The following CLDN15 variants were observed in gnomAD, a reference collection of about 807,000 sequenced individuals.
CLDN15 encodes the protein claudin-15.
In CLDN15, 9 loss-of-function variants were observed where a neutral mutation model predicts 24.5. That is an observed-to-expected ratio of 0.37 (90% confidence interval 0.22 to 0.64). The LOEUF is 0.64. Ranked by LOEUF, CLDN15 falls within the 30% of genes least tolerant of loss-of-function variation. The pLI, the probability that CLDN15 is intolerant of heterozygous loss-of-function variation, is 0.63. For missense variants in CLDN15, 248 were observed against 305.9 expected (o/e 0.81, Z 1.41); for synonymous variants, 149 against 131.4 (o/e 1.13, Z -0.92).
chr7:101,236,551 G>T (rs1798628710), intron 1 of CLDN15, among the ~76,000 whole-genome samples: 1 of 152,218 alleles, frequency 6.6e-6, no homozygotes, highest in African/African-American at 2.4e-5. Context: ...GTTCACGGTC[G>T]CCAGCGCTCA....
rs1584264957 is a variant in CLDN15, at chr7:101,232,329, T to C, written c.*81A>G. 1 of 996,290 alleles carries C rather than the reference T, an allele frequency of 1.0e-6. No homozygotes were observed. Among genetic ancestry groups the C allele is most frequent in the Non-Finnish European group, 1.5e-6 (1 of 665,580 alleles). The allele number at this position is 996,290 out of a possible 1,614,324, so 61.7% of individuals were successfully genotyped here. The stretch of plus-strand genomic sequence containing the variant: ...AGCGGGGCGTGGCCGGCCCCTGAGG[T>C]TACTATAGGGGAATGGGCCCCGGCC... On this transcript the variant is annotated 3_prime_UTR_variant, in exon 5 of 5. Transcript: ENST00000308344.
chr7:101,236,926 T>C, intron 1 of CLDN15: 1 of 741,668 alleles, frequency 1.3e-6, no homozygotes, highest in Non-Finnish European at 2.0e-6. Context: ...AGATGGGGCC[T>C]CCTCCCCCTG....
chr7:101,232,310 G>A lies in CLDN15; in HGVS notation c.*100C>T. The A allele has an allele frequency of 2.5e-6, 2 of 799,340 alleles. No individual in the cohort carries two copies. Among genetic ancestry groups the A allele is most frequent in the Non-Finnish European group, 4.0e-6 (2 of 501,006 alleles). The allele number at this position is 799,340 out of a possible 1,614,324, so 49.5% of individuals were successfully genotyped here. On this transcript the variant is annotated 3_prime_UTR_variant, in exon 5 of 5. Transcript: ENST00000308344. Reference sequence around the variant, plus strand: ...GCCGGGGCGGGGCTACGGGAGCGGGGCGTGGCCGGCCCCTGAGGTTACTAT... The same window carrying A: ...GCCGGGGCGGGGCTACGGGAGCGGGACGTGGCCGGCCCCTGAGGTTACTAT...
chr7:101,232,490 C>G lies in CLDN15; in HGVS notation c.607G>C (p.Val203Leu). The G allele has an allele frequency of 6.2e-7, 1 of 1,613,366 alleles. No individual in the cohort carries two copies. Among genetic ancestry groups the G allele is most frequent in the Non-Finnish European group, 8.5e-7 (1 of 1,179,560 alleles). ...GAGGTGGCGACGGGCATCACGGACA[C>G]TGGAGCCTGGTAGGGCCGCCGGGCG... ...ASARRPYQAP[V>L]SVMPVATSDQ... Residue 203 changes from valine to leucine, a missense_variant, in exon 5 of 5, where the codon GTG (valine) becomes CTG (leucine). Val to Leu is a conservative substitution (Grantham distance 32, BLOSUM62 1). Transcript: ENST00000308344.
intron 2 of CLDN15, among the ~76,000 whole-genome samples, chr7:101,233,305 TGGGAGTCCA>T (rs1258993389): frequency 2.0e-5 from 3 of 152,070 alleles, no homozygotes; most frequent in Non-Finnish European, 4.4e-5. Flanking sequence ...AGCTGGGCCA[TGGGAGTCCA>T]GGGTCGTCCT....
In CLDN15 at chr7:101,237,298, G is replaced by T; in HGVS notation, c.217+67C>A. ...TCCCTGCATCCTCACGGAAGTACCC[G>T]CCCTCCCCTGGGGTCTCTGCAGCTT... On this transcript the variant is annotated intron_variant, in intron 1 of 4. Transcript: ENST00000308344. The surrounding 1 kb of genome is among the most constrained non-coding windows in gnomAD (Gnocchi z 4.0). 1 of 1,037,266 alleles carries T rather than the reference G, an allele frequency of 9.6e-7. No homozygotes were observed. The highest frequency in any genetic ancestry group is 1.5e-6 in the Non-Finnish European group (1 of 678,532). 64.3% of individuals were successfully genotyped at this position (1,037,266 alleles called of 1,614,324 possible).
chr7:101,233,320 G>C (rs183019023), intron 2 of CLDN15, among the ~76,000 whole-genome samples: 1 of 151,950 alleles, frequency 6.6e-6, no homozygotes, highest in Non-Finnish European at 1.5e-5. Context: ...GTCCAGGGTC[G>C]TCCTTTCCTG....
Position 101,237,672 on chromosome 7 carries a change from G to T in CLDN15, c.-91C>A, listed in dbSNP as rs537068057. ...CTGGAAGGGGCTGCGGCTAAGGAGGGTTGTCCAGGCAGGCTGGGGTGGAAT... is the reference window on the plus strand; with the variant it reads ...CTGGAAGGGGCTGCGGCTAAGGAGGTTTGTCCAGGCAGGCTGGGGTGGAAT... On this transcript the variant is annotated 5_prime_UTR_variant, in exon 1 of 5. Transcript: ENST00000308344. The surrounding 1 kb of genome is among the most constrained non-coding windows in gnomAD (Gnocchi z 4.0). 2.6e-5 allele frequency: 23 copies of T among 899,928 alleles called. No homozygotes were observed. In the South Asian group the frequency reaches 2.9e-4, roughly 12 times the overall value. 55.7% of individuals were successfully genotyped at this position (899,928 alleles called of 1,614,324 possible).
At chr7:101,238,706 G>C (rs552622717), upstream of CLDN15, 1 of 152,288 alleles carries the variant, frequency 6.6e-6, no homozygotes, top group Admixed American at 6.5e-5. Context: ...AGCCTGGAGC[G>C]TGATCCTGTG....
Position 101,237,598 on chromosome 7 carries a change from C to T in CLDN15, c.-17G>A. 1 of 1,599,084 alleles carries T rather than the reference C, an allele frequency of 6.3e-7. No homozygotes were observed. Among genetic ancestry groups the T allele is most frequent in the Non-Finnish European group, 8.6e-7 (1 of 1,166,844 alleles). On this transcript the variant is annotated 5_prime_UTR_variant, in exon 1 of 5. Transcript: ENST00000308344. The surrounding 1 kb of genome is among the most constrained non-coding windows in gnomAD (Gnocchi z 4.0). ...CATCGACATGGTGGGATGCAGGACCCTGGGGGGCTGGTGCCCCAGAGAGGG... is the reference window on the plus strand; with the variant it reads ...CATCGACATGGTGGGATGCAGGACCTTGGGGGGCTGGTGCCCCAGAGAGGG...
intron 2 of CLDN15, 31 bp from the exon 3 acceptor site, chr7:101,232,945 C>A (rs1219935762): frequency 3.2e-6 from 5 of 1,542,576 alleles, no homozygotes; most frequent in Non-Finnish European, 4.5e-6. Flanking sequence ...CCAGTCCAGT[C>A]CAGGGGGAGG....
upstream of CLDN15, chr7:101,238,617 G>C (rs1422393021): frequency 6.6e-6 from 1 of 152,198 alleles, no homozygotes. Context: ...GGCCACCAGG[G>C]AGTCGCTCTC....
chr7:101,234,933 C>T (rs1260408480), intron 1 of CLDN15, among the ~76,000 whole-genome samples: 1 of 152,160 alleles, frequency 6.6e-6, no homozygotes, highest in African/African-American at 2.4e-5. Context: ...GACACCTGAG[C>T]TGGGCAACTC....
chr7:101,237,147 C>A lies in CLDN15; in HGVS notation c.217+218G>T, dbSNP rs2116841396. ...CTGATTCTGGTGCCTGCACCTGTAA[C>A]AGCTAAAAGCGCCACACTAGCGCAG... On this transcript the variant is annotated intron_variant, in intron 1 of 4. Transcript: ENST00000308344. This position sits in a 1 kb window ranked among gnomAD's most constrained non-coding sequence, Gnocchi z 4.0. Among the ~76,000 whole-genome samples the A allele has an allele frequency of 6.6e-6, 1 of 152,060 alleles. No individual in the cohort carries two copies. The highest frequency in any genetic ancestry group is 2.4e-5 in the African/African-American group (1 of 41,310).
In CLDN15 at chr7:101,232,319, G is replaced by T. The variant is rs1433493453; in HGVS notation, c.*91C>A. Reference sequence around the variant, plus strand: ...GGGCTACGGGAGCGGGGCGTGGCCGGCCCCTGAGGTTACTATAGGGGAATG... The same window carrying T: ...GGGCTACGGGAGCGGGGCGTGGCCGTCCCCTGAGGTTACTATAGGGGAATG... On this transcript the variant is annotated 3_prime_UTR_variant, in exon 5 of 5. Coordinates refer to ENST00000308344, the MANE Select transcript of CLDN15 (RefSeq NM_014343.3). The T allele has an allele frequency of 2.2e-6, 2 of 895,020 alleles. No homozygotes were observed. Among genetic ancestry groups the T allele is most frequent in the Non-Finnish European group, 3.4e-6 (2 of 580,214 alleles). The allele number at this position is 895,020 out of a possible 1,614,324, so 55.4% of individuals were successfully genotyped here. A position where few individuals can be genotyped will look rare whatever the true frequency, so the allele number is the denominator to read the frequency against.
chr7:101,233,899 C>T (rs2116835963), intron 2 of CLDN15: 2 of 360,710 alleles, frequency 5.5e-6, no homozygotes, highest in Non-Finnish European at 1.1e-5. Context: ...GCTGGGATTA[C>T]AGGCATGAGC....
intron 1 of CLDN15, among the ~76,000 whole-genome samples, chr7:101,236,271 C>G (rs371349457): frequency 0.047 from 6,401 of 136,082 alleles, 289 homozygotes; most frequent in African/African-American, 0.14. Context: ...GGGGGGGGGG[C>G]CCGCCGGCCC....
In CLDN15 at chr7:101,232,702, G is replaced by A; in HGVS notation, c.483C>T (p.Ala161=). 3 of 1,595,166 alleles carry A rather than the reference G, an allele frequency of 1.9e-6. No homozygotes were observed. The highest frequency in any genetic ancestry group is 2.6e-6 in the Non-Finnish European group (3 of 1,171,296). The change falls in exon 4 of 5, where the codon GCC becomes GCT. Residue 161 remains alanine (A), a synonymous_variant. Coordinates refer to ENST00000308344, the MANE Select transcript of CLDN15 (RefSeq NM_014343.3). Reference sequence around the variant, plus strand: ...GTGAGGCGCTCCACCCCAGGTAGAGGGCGGGGCCCAGCTCGTACCTGCGCA... The same window carrying A: ...GTGAGGCGCTCCACCCCAGGTAGAGAGCGGGGCCCAGCTCGTACCTGCGCA... The part of the protein sequence containing the change: ...YPGTKYELGP[A]LYLGWSASLI...
At chr7:101,236,914 C>T (rs964795221) in intron 1 of CLDN15, 1 of 869,484 alleles carries the variant, frequency 1.2e-6, no homozygotes, top group Non-Finnish European at 1.7e-6. Flanking sequence ...TCTAAGAATC[C>T]AAGATGGGGC....
Sources: gnomAD v4.1 joint callset for allele counts (sites outside exome capture counted in the v4.1 genomes callset) on GRCh38, gnomAD v4.1.1 for gene constraint, Gnocchi (gnomAD v3.1) non-coding constraint, MANE v1.5 for transcripts, NCBI Gene and HGNC (gene_info 2026-07-23, HGNC 2026-07-21) for gene names.